ANO3: variants seen among roughly 807,000 people sequenced by gnomAD.
ANO3 encodes the protein anoctamin 3, also known as anoctamin-3.
A neutral mutation model predicts 144.8 loss-of-function variants in ANO3; 99 were observed. That is an observed-to-expected ratio of 0.68 (90% CI 0.58 to 0.81). ANO3 has a LOEUF of 0.81. ANO3 is among the 30% of genes least tolerant of loss of function. The pLI is 0.00. For missense variants in ANO3, 905 were observed against 1,202.2 expected (o/e 0.75, Z 3.66); for synonymous variants, 414 against 392.6 (o/e 1.05, Z -0.64).
chr11:26,368,575 G>A (rs980664233), intron 1 of ANO3, among the ~76,000 whole-genome samples: 21 of 151,994 alleles, frequency 1.4e-4, no homozygotes, highest in African/African-American at 4.8e-4. Context: ...AAAAGAAAGG[G>A]TGGGGGAGAA....
Position 26,598,403 on chromosome 11 carries a change from A to G in ANO3, c.1486A>G (p.Ile496Val). ...FLEFWKRRRS[I>V]LTYTWDLIEW... ...GGAGTTTTGGAAAAGGAGAAGGAGTATACTGACCTATACTTGGGACCTTAT... is the reference window on the plus strand; with the variant it reads ...GGAGTTTTGGAAAAGGAGAAGGAGTGTACTGACCTATACTTGGGACCTTAT... Residue 496 changes from isoleucine to valine, a missense_variant, in exon 15 of 27, where the codon ATA becomes GTA. Physicochemically the swap from Ile to Val is conservative, Grantham distance 29. Coordinates refer to ENST00000256737, the MANE Select transcript of ANO3 (RefSeq NM_031418.4). 1 of 1,590,118 alleles carries G rather than the reference A, an allele frequency of 6.3e-7. No individual in the cohort carries two copies. Among genetic ancestry groups the G allele is most frequent in the South Asian group, 1.1e-5 (1 of 87,188 alleles).
chr11:26,270,549 G>A (rs1252645154), intron 1 of ANO3, among the ~76,000 whole-genome samples: 6 of 152,088 alleles, frequency 3.9e-5, no homozygotes, highest in Non-Finnish European at 7.4e-5. Flanking sequence ...TGTTTAGGAG[G>A]TATTTTCTTA....
chr11:26,208,512 C>CAAAAAAAAAAAAAAAAAAAAAAAA lies in ANO3; in HGVS notation c.154+19197_154+19198insAAAAAAAAAAAAAAAAAAAAAAAA, dbSNP rs67196052. ...TGGGTGACAGAGCAAGACTCCGTCT[C>CAAAAAAAAAAAAAAAAAAAAAAAA]AAAAAAAAAAAAAAAGGAATTGCAG... On this transcript the variant is annotated intron_variant, in intron 1 of 27. Transcript: ENST00000672621. Among the ~76,000 whole-genome samples, 51 of 121,720 alleles carry CAAAAAAAAAAAAAAAAAAAAAAAA rather than the reference C, an allele frequency of 4.2e-4. 1 individual carries two copies. Among genetic ancestry groups the CAAAAAAAAAAAAAAAAAAAAAAAA allele is most frequent in the African/African-American group, 1.8e-3 (51 of 29,068 alleles). 79.9% of individuals were successfully genotyped at this position (121,720 alleles called of 152,430 possible).
Position 26,245,783 on chromosome 11 carries a change from C to A in ANO3, c.154+56453C>A, listed in dbSNP as rs188161840. ...GTACAGATGTTTATATACCCTACTT[C>A]TTTGGGGAAAGAGAGATGGGGAAAT... On this transcript the variant is annotated intron_variant, in intron 1 of 27. Coordinates refer to the ANO3 transcript ENST00000672621. 5.3e-4 allele frequency among the ~76,000 whole-genome samples: 81 copies of A among 152,224 alleles called. 3 individuals are homozygous for A. In the East Asian group the frequency reaches 0.014, roughly 27 times the overall value.
At chr11:26,573,933 G>C (rs951599121) in intron 14 of ANO3, among the ~76,000 whole-genome samples, 3 of 152,162 alleles carry the variant, frequency 2.0e-5, no homozygotes, top group Non-Finnish European at 4.4e-5. Flanking sequence ...CATGGAGTTG[G>C]AGTTAAAAAG....
chr11:26,343,002 C>A (rs1855404852), intron 1 of ANO3, among the ~76,000 whole-genome samples: 1 of 151,922 alleles, frequency 6.6e-6, no homozygotes, highest in South Asian at 2.1e-4. Flanking sequence ...TATTTAATAT[C>A]CACCCTCTTA....
chr11:26,402,987 T>G (rs145226077), intron 1 of ANO3, among the ~76,000 whole-genome samples: 36 of 152,104 alleles, frequency 2.4e-4, no homozygotes, highest in African/African-American at 7.7e-4. Flanking sequence ...CTCAGATCCC[T>G]TTTATGTACC....
intron 1 of ANO3, among the ~76,000 whole-genome samples, chr11:26,288,392 CTTG>C (rs1018593928): frequency 4.6e-5 from 7 of 152,146 alleles, no homozygotes; most frequent in African/African-American, 9.7e-5. Flanking sequence ...TGGGATTTTC[CTTG>C]TTGTTGTTGT....
In ANO3 at chr11:26,496,167, G is replaced by T. The variant is rs139153680; in HGVS notation, c.433-11937G>T. Among the ~76,000 whole-genome samples, 13 of 152,214 alleles carry T rather than the reference G, an allele frequency of 8.5e-5. No individual in the cohort carries two copies. The East Asian group carries it at 2.5e-3, about 29-fold the overall frequency. ...GCAAGCATGCAAATAAATTCAACCT[G>T]CCCTTGCATAATTTGACCTCTCTGT... On this transcript the variant is annotated intron_variant, in intron 4 of 26. Transcript: ENST00000256737.
chr11:26,420,055 A>G (rs1857706792), intron 1 of ANO3, among the ~76,000 whole-genome samples: 1 of 152,026 alleles, frequency 6.6e-6, no homozygotes, highest in African/African-American at 2.4e-5. Context: ...TTGTATTAAA[A>G]TTTTTAGAGA....
intron 1 of ANO3, among the ~76,000 whole-genome samples, chr11:26,388,185 A>G (rs1236482459): frequency 1.3e-5 from 2 of 151,404 alleles, no homozygotes; most frequent in Non-Finnish European, 2.9e-5. Flanking sequence ...AATTATATTT[A>G]TGGTCTATTA....
At chr11:26,433,085 T>C (rs1307043043) in intron 1 of ANO3, among the ~76,000 whole-genome samples, 2 of 152,160 alleles carry the variant, frequency 1.3e-5, no homozygotes, top group African/African-American at 2.4e-5. Flanking sequence ...GAGCAGTGTT[T>C]GGTAATTCTC....
intron 1 of ANO3, among the ~76,000 whole-genome samples, chr11:26,338,777 G>A (rs1174462465): frequency 6.6e-6 from 1 of 152,030 alleles, no homozygotes; most frequent in East Asian, 1.9e-4. Context: ...CTTCACTCCT[G>A]AAGTCAGTGA....
chr11:26,622,811 G>A (rs1397024749), intron 17 of ANO3, among the ~76,000 whole-genome samples: 1 of 152,108 alleles, frequency 6.6e-6, no homozygotes, highest in East Asian at 1.9e-4. Context: ...TGTTGTTAAG[G>A]AATAATAATA....
At chr11:26,603,735 T>C (rs918970512) in intron 17 of ANO3, among the ~76,000 whole-genome samples, 2 of 152,150 alleles carry the variant, frequency 1.3e-5, no homozygotes, top group Non-Finnish European at 2.9e-5. Flanking sequence ...GGTCCCTCAA[T>C]AGTGAGAAAA....
At chr11:26,527,252 A>G (rs1030392457) in intron 7 of ANO3, among the ~76,000 whole-genome samples, 6 of 152,178 alleles carry the variant, frequency 3.9e-5, no homozygotes, top group African/African-American at 1.4e-4. Context: ...AAAGTAAACT[A>G]GAAAAATGAA....
chr11:26,450,444 A>G (rs1033796484), intron 3 of ANO3, among the ~76,000 whole-genome samples: 2 of 152,204 alleles, frequency 1.3e-5, no homozygotes, highest in Non-Finnish European at 2.9e-5. Context: ...GGAACCCCAA[A>G]GAATTAATAA....
intron 1 of ANO3, among the ~76,000 whole-genome samples, chr11:26,278,641 T>C (rs1206106090): frequency 1.3e-5 from 2 of 152,074 alleles, no homozygotes; most frequent in Non-Finnish European, 2.9e-5. Context: ...CACATTACAT[T>C]TTGCACTGGT....
chr11:26,319,144 C>CATCATCATCATCATTATTATT (rs1554938770), intron 1 of ANO3, among the ~76,000 whole-genome samples: 4 of 150,834 alleles, frequency 2.7e-5, no homozygotes, highest in African/African-American at 9.7e-5. Context: ...TTCCAGATAA[C>CATCATCATCATCATTATTATT]ATTATTATTA....
Sources: allele counts gnomAD v4.1 joint callset (sites outside exome capture counted in the v4.1 genomes callset), GRCh38; gene constraint gnomAD v4.1.1; transcripts MANE v1.5; gene names NCBI Gene and HGNC (gene_info 2026-07-23, HGNC 2026-07-21).